DTNB: variants seen among roughly 807,000 people sequenced by gnomAD.
The protein encoded by DTNB is dystrobrevin beta, also known as DTN-B.
Under a neutral mutation model 90.7 loss-of-function variants are expected in DTNB, and 63 were observed. The observed-to-expected ratio is 0.69, with a 90% CI of 0.57 to 0.86. The LOEUF (loss-of-function observed/expected upper bound fraction) is 0.86, where lower values mean the gene tolerates loss of function less well. Among genes scored for constraint, DTNB ranks in the 40% least tolerant of loss-of-function variants. The pLI is 0.00. For missense variants in DTNB, 744 were observed against 807.1 expected (o/e 0.92, Z 0.95); for synonymous variants, 277 against 286.7 (o/e 0.97, Z 0.34).
intron 9 of DTNB, among the ~76,000 whole-genome samples, chr2:25,499,316 A>G (rs762059619): frequency 1.7e-4 from 26 of 152,192 alleles, no homozygotes; most frequent in Non-Finnish European, 3.8e-4. Flanking sequence ...TGTGACCTGC[A>G]TGACTTTGGA....
chr2:25,595,983 C>T (rs1298446168), intron 6 of DTNB, 103 bp downstream of exon 6: 3 of 1,092,052 alleles, frequency 2.7e-6, no homozygotes, highest in South Asian at 3.1e-5. Context: ...TCCTCCCCTA[C>T]TCAAGACCTT....
chr2:25,479,512 C>T (rs1275067178), intron 10 of DTNB, among the ~76,000 whole-genome samples: 2 of 152,088 alleles, frequency 1.3e-5, no homozygotes, highest in Admixed American at 1.3e-4. Context: ...CTAAGGCAGA[C>T]AAAATTTCTT....
At position 25,397,352 on chromosome 2, in the gene DTNB, A is replaced by AG. The variant is rs1002756672; in HGVS notation, c.1576-8992_1576-8991insC. ...GACTCTGTCTCAAAAAAAAAAAAAA[A>AG]AAAGAAAGAAAACAGTATGCTACGT... is the stretch of plus-strand genomic sequence containing the variant. On this transcript the variant is annotated intron_variant, in intron 16 of 20. Coordinates refer to ENST00000406818, the MANE Select transcript of DTNB (RefSeq NM_021907.5). 9.2e-5 allele frequency among the ~76,000 whole-genome samples: 14 copies of AG among 151,612 alleles called. No homozygotes were observed. In the South Asian group the frequency reaches 1.2e-3, roughly 13 times the overall value.
intron 3 of DTNB, among the ~76,000 whole-genome samples, chr2:25,633,093 TAAGATC>T (rs1276080442): frequency 3.3e-5 from 5 of 152,196 alleles, no homozygotes; most frequent in East Asian, 3.8e-4. Context: ...TTGCTAGAAA[TAAGATC>T]AAGATCAAGA....
chr2:25,661,700 C>A (rs965908731), intron 1 of DTNB, among the ~76,000 whole-genome samples: 1 of 151,846 alleles, frequency 6.6e-6, no homozygotes, highest in Non-Finnish European at 1.5e-5. Flanking sequence ...TTCTGCAACA[C>A]AAAATTTACA....
rs374113092 is a variant in DTNB at position 25,456,949 on chromosome 2, T to C, written c.1080-1455A>G. Among the ~76,000 whole-genome samples the C allele has an allele frequency of 1.3e-4, 20 of 152,280 alleles. 1 individual carries two copies. The highest frequency in any genetic ancestry group is 4.6e-4 in the African/African-American group (19 of 41,554). On this transcript the variant is annotated intron_variant, in intron 10 of 20. Transcript: ENST00000406818. ...AATAGGCTCTTGTGTTCTTTTGATA[T>C]AACCATTAGACCTTATTAGCTTTCC... is the stretch of plus-strand genomic sequence containing the variant.
At chr2:25,648,607 T>C (rs985369665) in intron 2 of DTNB, among the ~76,000 whole-genome samples, 3 of 152,156 alleles carry the variant, frequency 2.0e-5, no homozygotes, top group Non-Finnish European at 4.4e-5. Flanking sequence ...AATTATTAAA[T>C]TATTATGACT....
intron 8 of DTNB, among the ~76,000 whole-genome samples, chr2:25,537,130 G>C (rs1028554146): frequency 6.6e-6 from 1 of 151,916 alleles, no homozygotes; most frequent in African/African-American, 2.4e-5. Context: ...CTTTGTATTT[G>C]AACAAATTAT....
At chr2:25,385,795 T>A (rs900621055) in intron 18 of DTNB, among the ~76,000 whole-genome samples, 15 of 152,238 alleles carry the variant, frequency 9.9e-5, no homozygotes, top group Non-Finnish European at 4.4e-5. Flanking sequence ...AGCTTTACAT[T>A]TTTGTGAAGC....
intron 10 of DTNB, among the ~76,000 whole-genome samples, chr2:25,469,597 C>T (rs1404297815): frequency 6.6e-6 from 1 of 152,114 alleles, no homozygotes; most frequent in Non-Finnish European, 1.5e-5. Flanking sequence ...AGGCACTTAC[C>T]ACCACGCCCA....
Position 25,508,006 on chromosome 2 carries a change from T to C in DTNB, c.1001+23467A>G, listed in dbSNP as rs570120388. Among the ~76,000 whole-genome samples the C allele has an allele frequency of 2.6e-5, 4 of 152,326 alleles. No homozygotes were observed. In the South Asian group the frequency reaches 8.3e-4, roughly 32 times the overall value. ...CCTCCTTCAAGCTGATGTTCAAATG[T>C]CACTTTTCATTAAGGCCTAAAGCAA... is the stretch of plus-strand genomic sequence containing the variant. On this transcript the variant is annotated intron_variant, in intron 9 of 20. Coordinates refer to ENST00000406818, the MANE Select transcript of DTNB (RefSeq NM_021907.5).
chr2:25,522,150 G>A (rs769132930), intron 9 of DTNB, among the ~76,000 whole-genome samples: 54 of 152,332 alleles, frequency 3.5e-4, no homozygotes, highest in South Asian at 2.3e-3. Flanking sequence ...TTCTCTCAGA[G>A]ACCTGGAAGT....
intron 9 of DTNB, among the ~76,000 whole-genome samples, chr2:25,519,367 CTTT>C (rs1197635484): frequency 4.0e-5 from 5 of 126,476 alleles, no homozygotes; most frequent in Admixed American, 8.0e-5. Flanking sequence ...CCTGTTTCTA[CTTT>C]TTTTTTTTTT....
At chr2:25,512,578 A>G (rs374157995) in intron 9 of DTNB, among the ~76,000 whole-genome samples, 1 of 152,202 alleles carries the variant, frequency 6.6e-6, no homozygotes, top group African/African-American at 2.4e-5. Flanking sequence ...ATTTTATTGG[A>G]TGATCAAATG....
chr2:25,573,920 C>A (rs1311373955), intron 8 of DTNB, among the ~76,000 whole-genome samples: 1 of 152,234 alleles, frequency 6.6e-6, no homozygotes, highest in African/African-American at 2.4e-5. Context: ...CTCCATCCAT[C>A]ATTCAAGGAC....
At chr2:25,577,550 T>C (rs1222027379) in intron 7 of DTNB, among the ~76,000 whole-genome samples, 2 of 151,854 alleles carry the variant, frequency 1.3e-5, no homozygotes, top group South Asian at 4.1e-4. Context: ...AAAAAAAAAT[T>C]CAACACAGAC....
chr2:25,545,426 G>A (rs1367874227), intron 8 of DTNB, among the ~76,000 whole-genome samples: 1 of 152,178 alleles, frequency 6.6e-6, no homozygotes, highest in Non-Finnish European at 1.5e-5. Context: ...TTCTGCATAG[G>A]AGTCCCATTT....
intron 12 of DTNB, among the ~76,000 whole-genome samples, chr2:25,438,734 G>A (rs922576736): frequency 2.0e-5 from 3 of 152,216 alleles, no homozygotes; most frequent in Non-Finnish European, 2.9e-5. Context: ...CTTCCGAAGA[G>A]TCTGTGTGGA....
intron 9 of DTNB, among the ~76,000 whole-genome samples, chr2:25,526,376 TATATATATA>T (rs2077107199): frequency 2.0e-5 from 1 of 49,960 alleles, no homozygotes; most frequent in African/African-American, 1.3e-4. Context: ...TATATATATA[TATATATATA>T]TATATATATA....
Sources: allele counts gnomAD v4.1 joint callset (sites outside exome capture counted in the v4.1 genomes callset), GRCh38; gene constraint gnomAD v4.1.1; transcripts MANE v1.5; gene names NCBI Gene and HGNC (gene_info 2026-07-23, HGNC 2026-07-21).